Variants in CAST observed in about 807,000 individuals in gnomAD.
The protein encoded by CAST is calpastatin.
A neutral mutation model predicts 119.6 loss-of-function variants in CAST; 76 were observed. That is an observed-to-expected ratio of 0.64 (90% CI 0.53 to 0.77). CAST has a LOEUF of 0.77. Ranked by LOEUF, CAST falls within the 30% of genes least tolerant of loss-of-function variation. The pLI, the probability that CAST is intolerant of heterozygous loss-of-function variation, is 0.00. For missense variants in CAST, 953 were observed against 946.5 expected (o/e 1.01, Z -0.09); for synonymous variants, 319 against 331.6 (o/e 0.96, Z 0.41).
At chr5:96,577,945 T>A (rs937237017) in intron 1 of CAST, among the ~76,000 whole-genome samples, 8 of 152,190 alleles carry the variant, frequency 5.3e-5, no homozygotes, top group Non-Finnish European at 1.0e-4. Context: ...TGTCATTAGA[T>A]CCTGTTTGTG....
the CAST span, among the ~76,000 whole-genome samples, chr5:96,046,304 A>C: frequency 1.3e-5 from 2 of 152,190 alleles, no homozygotes; most frequent in Admixed American, 6.5e-5. Flanking sequence ...GATCTTGAAT[A>C]AAAGAAAGAA....
intron 16 of CAST, among the ~76,000 whole-genome samples, chr5:96,745,195 AAATAGAGCGTGACTGG>A (rs2150544598): frequency 6.6e-6 from 1 of 152,276 alleles, no homozygotes. Context: ...CCAGATGCCG[AAATAGAGCGTGACTGG>A]AAATGTTTAA....
At chr5:96,030,295 T>C in the CAST span, among the ~76,000 whole-genome samples, 9 of 152,158 alleles carry the variant, frequency 5.9e-5, no homozygotes, top group Non-Finnish European at 8.8e-5. Context: ...ATAGAACATA[T>C]TTTAGATAAC....
the CAST span, among the ~76,000 whole-genome samples, chr5:96,401,787 A>T: frequency 6.6e-6 from 1 of 152,174 alleles, no homozygotes; most frequent in Admixed American, 6.5e-5. Context: ...AGAAGTGGTG[A>T]GATCTTTATC....
At chr5:96,600,232 C>A (rs1211835965) in intron 1 of CAST, among the ~76,000 whole-genome samples, 1 of 152,218 alleles carries the variant, frequency 6.6e-6, no homozygotes, top group East Asian at 1.9e-4. Flanking sequence ...CTCTCCCTTT[C>A]TAGATACCTG....
At chr5:96,473,773 A>C in the CAST span, among the ~76,000 whole-genome samples, 1 of 152,180 alleles carries the variant, frequency 6.6e-6, no homozygotes, top group Non-Finnish European at 1.5e-5. Context: ...GACTGGGCGC[A>C]TGACTGGTCT....
the CAST span, among the ~76,000 whole-genome samples, chr5:96,246,246 G>T: frequency 2.1e-5 from 3 of 139,852 alleles, no homozygotes; most frequent in Non-Finnish European, 3.0e-5. Flanking sequence ...GCAGTGGCAC[G>T]ATCTCGGCTC....
chr5:96,141,787 C>T, the CAST span, among the ~76,000 whole-genome samples: 1 of 152,178 alleles, frequency 6.6e-6, no homozygotes, highest in Non-Finnish European at 1.5e-5. Context: ...GAGCTCTGTT[C>T]TCTTACTTAC....
At chr5:96,173,531 C>T in the CAST span, among the ~76,000 whole-genome samples, 1 of 152,004 alleles carries the variant, frequency 6.6e-6, no homozygotes, top group South Asian at 2.1e-4. Flanking sequence ...GTAGTAATAC[C>T]AGAAATTCTG....
chr5:96,700,519 C>T (rs949801302), intron 3 of CAST, among the ~76,000 whole-genome samples: 4 of 152,074 alleles, frequency 2.6e-5, no homozygotes, highest in African/African-American at 7.2e-5. Context: ...TTAGGAAGTC[C>T]AGGATGAGGC....
the CAST span, among the ~76,000 whole-genome samples, chr5:96,205,782 G>T: frequency 6.6e-6 from 1 of 152,024 alleles, no homozygotes; most frequent in Non-Finnish European, 1.5e-5. Context: ...AAACATACAT[G>T]TGCATATGTC....
At chr5:96,225,228 T>C in the CAST span, among the ~76,000 whole-genome samples, 3 of 152,220 alleles carry the variant, frequency 2.0e-5, no homozygotes, top group East Asian at 3.8e-4. Context: ...ATTTGTTTTT[T>C]TCCTTCCTTT....
At chr5:96,149,088 G>C in the CAST span, among the ~76,000 whole-genome samples, 1 of 152,226 alleles carries the variant, frequency 6.6e-6, no homozygotes, top group Non-Finnish European at 1.5e-5. Flanking sequence ...TATTACAAGA[G>C]ACAGTTTCCT....
At chr5:96,150,758 A>G in the CAST span, among the ~76,000 whole-genome samples, 1 of 152,114 alleles carries the variant, frequency 6.6e-6, no homozygotes, top group Non-Finnish European at 1.5e-5. Flanking sequence ...GGTGGGGAAG[A>G]TTCTTAAGGG....
chr5:96,398,749 A>C, the CAST span: 2 of 789,628 alleles, frequency 2.5e-6, no homozygotes, highest in Non-Finnish European at 4.3e-6. Context: ...GGAAAAAATA[A>C]GCATGTTTTT....
At chr5:96,148,761 C>G in the CAST span, among the ~76,000 whole-genome samples, 1 of 152,228 alleles carries the variant, frequency 6.6e-6, no homozygotes, top group Non-Finnish European at 1.5e-5. Flanking sequence ...TATCTGATCC[C>G]TACCTGAGCT....
the CAST span, among the ~76,000 whole-genome samples, chr5:96,085,388 A>G: frequency 6.6e-6 from 1 of 152,208 alleles, no homozygotes; most frequent in African/African-American, 2.4e-5. Flanking sequence ...TGGAGGTGGC[A>G]TTTGAACTAG....
chr5:96,661,419 GAA>G (rs34922511), upstream of CAST, among the ~76,000 whole-genome samples: 5,069 of 88,106 alleles, frequency 0.058, 114 homozygotes, highest in East Asian at 0.2. Context: ...TGCCTCTCCA[GAA>G]AAAAAAAAAA....
the CAST span, among the ~76,000 whole-genome samples, chr5:96,282,175 G>A: frequency 1.3e-5 from 2 of 151,660 alleles, no homozygotes; most frequent in African/African-American, 4.9e-5. Context: ...TGTTGGCGGG[G>A]TGGGGGTGGG....
Sources: gnomAD v4.1 joint callset for allele counts (sites outside exome capture counted in the v4.1 genomes callset) on GRCh38, gnomAD v4.1.1 for gene constraint, MANE v1.5 for transcripts, NCBI Gene and HGNC (gene_info 2026-07-23, HGNC 2026-07-21) for gene names.